DYNC2H1: variants seen among roughly 807,000 people sequenced by gnomAD.
DYNC2H1 encodes cytoplasmic dynein 2 heavy chain 1.
Under a neutral mutation model 570.0 loss-of-function variants are expected in DYNC2H1, and 410 were observed. The ratio of observed to expected loss-of-function variants is 0.72; its 90% confidence interval spans 0.66 to 0.78. The LOEUF (loss-of-function observed/expected upper bound fraction) is 0.78. Among genes scored for constraint, DYNC2H1 ranks in the 30% least tolerant of loss-of-function variants. The pLI is 0.00. For missense variants in DYNC2H1, 4,865 were observed against 5,046.4 expected, an observed-to-expected ratio of 0.96 and a Z score of 1.09; for synonymous variants, 1,688 against 1,677.6, an observed-to-expected ratio of 1.01 and a Z score of -0.15.
chr11:103,135,652 C>T lies in DYNC2H1; in HGVS notation c.2345+18C>T, dbSNP rs760900641. 3 of 1,608,030 alleles carry T rather than the reference C, an allele frequency of 1.9e-6. No homozygotes were observed. The highest frequency in any genetic ancestry group is 3.4e-5 in the Admixed American group (2 of 58,730). Reference sequence around the variant, plus strand: ...ACTTACAAGTAAGATGTTTTTTCAACCCCAATTTAATGTTCATTGTATAAT... The same window carrying T: ...ACTTACAAGTAAGATGTTTTTTCAATCCCAATTTAATGTTCATTGTATAAT... On this transcript the variant is annotated intron_variant, in intron 16 of 88. Coordinates refer to ENST00000375735, the MANE Select transcript of DYNC2H1 (RefSeq NM_001377.3).
At chr11:103,136,050 A>G in intron 17 of DYNC2H1, 102 bp downstream of exon 17, 2 of 964,574 alleles carry the variant, frequency 2.1e-6, no homozygotes, top group Non-Finnish European at 2.8e-6. Flanking sequence ...GTGTGGCATA[A>G]CATTAAAATA....
At position 103,197,943 on chromosome 11, in the gene DYNC2H1, C is replaced by A; in HGVS notation, c.7719C>A (p.Tyr2573Ter). 6.4e-7 allele frequency: 1 copy of A among 1,569,182 alleles called. No homozygotes were observed. Among genetic ancestry groups the A allele is most frequent in the Non-Finnish European group, 8.6e-7 (1 of 1,156,208 alleles). The stretch of plus-strand genomic sequence containing the variant: ...CATTTATTTCCACAGATAGTTTCTA[C>A]GTTACATGGGGAGCTCGGCATAATT... ...DILDNMSDSF[Y>*]VTWGARHNSG... The change falls in exon 48 of 89, where the codon TAC becomes TAA. Residue 2573 changes from tyrosine to a stop codon, truncating the protein, a stop_gained. Transcript: ENST00000375735. LOFTEE classifies it high-confidence loss of function.
At position 103,323,902 on chromosome 11, in the gene DYNC2H1, T is replaced by G; in HGVS notation, c.11951T>G (p.Ile3984Ser). 3 of 1,612,502 alleles carry G rather than the reference T, an allele frequency of 1.9e-6. No individual in the cohort carries two copies. The highest frequency in any genetic ancestry group is 2.5e-6 in the Non-Finnish European group (3 of 1,178,984). Residue 3984 changes from isoleucine (I) to serine (S), a missense_variant, in exon 82 of 89, where the codon ATT becomes AGT. This residue lies in a region of DYNC2H1 where 2,401 missense variants were observed against 2,454.6 expected (regional missense o/e 0.98). Coordinates refer to ENST00000375735, the MANE Select transcript of DYNC2H1 (RefSeq NM_001377.3). ...TATATTTAGGACTATCGTGCTGTCA[T>G]TGAGAAAATTCCAGAGGACGACAAA... Reference protein sequence around the residue: ...SCSILDYRAVIEKIPEDDKPS... With the variant: ...SCSILDYRAVSEKIPEDDKPS...
At chr11:103,116,201 A>G (rs1858385028) in intron 4 of DYNC2H1, among the ~76,000 whole-genome samples, 1 of 152,198 alleles carries the variant, frequency 6.6e-6, no homozygotes, top group African/African-American at 2.4e-5. Context: ...TAAACATAAT[A>G]TTATGAATTA....
intron 82 of DYNC2H1, among the ~76,000 whole-genome samples, chr11:103,336,535 C>T (rs749652013): frequency 3.8e-4 from 57 of 151,774 alleles, no homozygotes; most frequent in Non-Finnish European, 7.2e-4. Context: ...TTAGCTCCCA[C>T]GTATGAATGA....
chr11:103,280,413 T>C lies in DYNC2H1; in HGVS notation c.10761T>C (p.Asn3587=). ...RGMHPELFQE[N]EWDTFTGVVV... is the part of the protein sequence containing the mutation. ...TGCATCCTGAACTTTTTCAAGAAAATGTAAGTCAAATTAAAGGAGAGAAAT... is the reference window on the plus strand; with the variant it reads ...TGCATCCTGAACTTTTTCAAGAAAACGTAAGTCAAATTAAAGGAGAGAAAT... Residue 3587 remains asparagine (N), a splice_region_variant and synonymous_variant, in exon 71 of 89, where the codon AAT becomes AAC. Coordinates refer to ENST00000375735, the MANE Select transcript of DYNC2H1 (RefSeq NM_001377.3). This position sits in a 1 kb window ranked among gnomAD's most constrained non-coding sequence, Gnocchi z 4.7. The C allele has an allele frequency of 6.4e-7, 1 of 1,552,808 alleles. No homozygotes were observed. The highest frequency in any genetic ancestry group is 8.7e-7 in the Non-Finnish European group (1 of 1,147,140).
chr11:103,121,225 AT>A, intron 9 of DYNC2H1, 146 bp from the exon 10 acceptor site: 1 of 1,014,256 alleles, frequency 9.9e-7, no homozygotes, highest in Non-Finnish European at 1.4e-6. Flanking sequence ...TCGCTGTTTC[AT>A]TTGATACATG....
chr11:103,156,473 C>A lies in DYNC2H1; in HGVS notation c.3830C>A (p.Thr1277Lys), dbSNP rs541538109. 2.5e-6 allele frequency: 4 copies of A among 1,613,668 alleles called. No homozygotes were observed. The South Asian group carries it at 4.4e-5, about 18-fold the overall frequency. Residue 1277 changes from threonine (T) to lysine (K), a missense_variant, in exon 26 of 89, where the codon ACA (threonine) becomes AAA (lysine). Thr to Lys is a moderately conservative substitution (Grantham distance 78, BLOSUM62 -1). Around this residue, in one of 5 missense-constraint regions of DYNC2H1, gnomAD observed 1,936 missense variants for 1,962.1 expected, o/e 0.99. Coordinates refer to ENST00000375735, the MANE Select transcript of DYNC2H1 (RefSeq NM_001377.3). Reference sequence around the variant, plus strand: ...CTTTGGGGAGTTGGAGCAGTGTTTACATTAATTGATTATGAAGACAGCCAA... The same window carrying A: ...CTTTGGGGAGTTGGAGCAGTGTTTAAATTAATTGATTATGAAGACAGCCAA... ...LDLWGVGAVF[T>K]LIDYEDSQSR...
chr11:103,176,416 T>C lies in DYNC2H1; in HGVS notation c.5856T>C (p.Tyr1952=), dbSNP rs1438095713. The C allele has an allele frequency of 1.3e-6, 2 of 1,544,060 alleles. No individual in the cohort carries two copies. The highest frequency in any genetic ancestry group is 1.7e-6 in the Non-Finnish European group (2 of 1,150,350). The change falls in exon 37 of 89, where the codon TAT becomes TAC. Residue 1952 remains tyrosine, a synonymous_variant. Coordinates refer to ENST00000375735, the MANE Select transcript of DYNC2H1 (RefSeq NM_001377.3). ...ALKQVFEEAN[Y]EIIPNQIKKA... The stretch of plus-strand genomic sequence containing the variant: ...AGCAGGTCTTTGAAGAGGCCAATTA[T>C]GAAATTATACCCAATCAGGTAACTG...
chr11:103,131,845 T>C (rs907672746), intron 13 of DYNC2H1, among the ~76,000 whole-genome samples: 2 of 152,184 alleles, frequency 1.3e-5, no homozygotes, highest in African/African-American at 2.4e-5. Context: ...TTTGGCTCCA[T>C]TCAAGATTTC....
chr11:103,281,012 G>A (rs998886058), intron 71 of DYNC2H1, among the ~76,000 whole-genome samples: 3 of 151,878 alleles, frequency 2.0e-5, no homozygotes, highest in African/African-American at 4.8e-5. Context: ...AAAGCTATTT[G>A]CAAGTAATTT....
At chr11:103,373,431 A>G (rs1941261258) in intron 83 of DYNC2H1, among the ~76,000 whole-genome samples, 1 of 152,288 alleles carries the variant, frequency 6.6e-6, no homozygotes, top group East Asian at 1.9e-4. Flanking sequence ...GTCTAACTAA[A>G]AATGCTTGTT....
At chr11:103,162,856 T>C (rs1404310996) in intron 29 of DYNC2H1, among the ~76,000 whole-genome samples, 172 bp from the exon 30 acceptor site, 2 of 152,202 alleles carry the variant, frequency 1.3e-5, no homozygotes, top group African/African-American at 4.8e-5. Flanking sequence ...AATAAAGAAT[T>C]ATATTCCTAT....
rs1452959128 is a variant in DYNC2H1 at position 103,435,995 on chromosome 11, A to T, written c.12419A>T (p.Tyr4140Phe). The change falls in exon 85 of 89, where the codon TAC becomes TTC. Residue 4140 changes from tyrosine to phenylalanine, a missense_variant. By Grantham distance (22) the Tyr-to-Phe change is conservative. Coordinates refer to ENST00000375735, the MANE Select transcript of DYNC2H1 (RefSeq NM_001377.3). ...KWEGPEDPLQ[Y>F]LRGLVARALA... ...GAAGGCCCAGAAGATCCCTTACAAT[A>T]CCTGAGAGGTCTTGTTGCCCGTGCC... 1 of 1,612,588 alleles carries T rather than the reference A, an allele frequency of 6.2e-7. No homozygotes were observed. Among genetic ancestry groups the T allele is most frequent in the African/African-American group, 1.3e-5 (1 of 74,960 alleles).
At position 103,245,665 on chromosome 11, in the gene DYNC2H1, A is replaced by G. The variant is rs1433622447; in HGVS notation, c.10042+291A>G. 2.0e-5 allele frequency among the ~76,000 whole-genome samples: 3 copies of G among 152,074 alleles called. No individual in the cohort carries two copies. The highest frequency in any genetic ancestry group is 4.4e-5 in the Non-Finnish European group (3 of 67,976). ...CTGAAGGAAAGCAGGTGTAGCATAA[A>G]CCATATTGTTTGTACAAACAGTTTA... On this transcript the variant is annotated intron_variant, in intron 65 of 88. Transcript: ENST00000375735. The surrounding 1 kb of genome is among the most constrained non-coding windows in gnomAD (Gnocchi z 4.5).
intron 84 of DYNC2H1, among the ~76,000 whole-genome samples, chr11:103,420,183 A>G (rs1292561014): frequency 1.3e-5 from 2 of 152,098 alleles, no homozygotes; most frequent in African/African-American, 4.8e-5. Context: ...GAAGAGATCC[A>G]TTCTGGGGAG....
Position 103,109,495 on chromosome 11 carries a change from C to G in DYNC2H1, c.-80C>G, listed in dbSNP as rs1858004864. The stretch of plus-strand genomic sequence containing the variant: ...TCGGGCTACGGGTTTGAGCAAAGCT[C>G]CTCTCTTCCCTTCACTTCCCTCCGG... On this transcript the variant is annotated 5_prime_UTR_variant, in exon 1 of 89. Coordinates refer to ENST00000375735, the MANE Select transcript of DYNC2H1 (RefSeq NM_001377.3). The G allele has an allele frequency of 2.7e-4, 354 of 1,306,082 alleles. No homozygotes were observed. Among genetic ancestry groups the G allele is most frequent in the Non-Finnish European group, 3.5e-4 (328 of 939,240 alleles). 80.9% of individuals were successfully genotyped at this position (1,306,082 alleles called of 1,614,324 possible).
chr11:103,382,417 G>A (rs1243190213), intron 83 of DYNC2H1, among the ~76,000 whole-genome samples: 1 of 152,132 alleles, frequency 6.6e-6, no homozygotes, highest in African/African-American at 2.4e-5. Flanking sequence ...TAAAGAATAT[G>A]CTAAAGTTAA....
chr11:103,297,075 T>C (rs913736979), intron 75 of DYNC2H1, among the ~76,000 whole-genome samples: 5 of 152,148 alleles, frequency 3.3e-5, no homozygotes, highest in Non-Finnish European at 5.9e-5. Context: ...ACCCAATCCC[T>C]GGATTTAAAT....
Sources: allele counts gnomAD v4.1 joint callset (sites outside exome capture counted in the v4.1 genomes callset), GRCh38; gene constraint gnomAD v4.1.1; regional missense constraint gnomAD v4.1.1; non-coding constraint Gnocchi (gnomAD v3.1); transcripts MANE v1.5; gene names NCBI Gene and HGNC (gene_info 2026-07-23, HGNC 2026-07-21).